The following XKR4 variants were observed in gnomAD, a reference collection of about 807,000 sequenced individuals.
The protein encoded by XKR4 is XK related 4, also known as XK-related protein 4.
XKR4 carries 12 observed loss-of-function variants against 53.9 expected under a neutral mutation model. The observed-to-expected ratio is 0.22, with a 90% CI of 0.14 to 0.36. The LOEUF is 0.36. XKR4 is among the 10% of genes least tolerant of loss of function. The pLI, the probability that XKR4 is intolerant of heterozygous loss-of-function variation, is 1.00. For missense variants in XKR4, 799 were observed against 859.5 expected, an observed-to-expected ratio of 0.93 and a Z score of 0.88; for synonymous variants, 354 against 362.4, an observed-to-expected ratio of 0.98 and a Z score of 0.26.
At chr8:55,328,113 A>G (rs1030757265) in intron 1 of XKR4, among the ~76,000 whole-genome samples, 1 of 152,168 alleles carries the variant, frequency 6.6e-6, no homozygotes, top group Non-Finnish European at 1.5e-5. Flanking sequence ...CTCACTCACT[A>G]TCAAGAGAAC....
At position 55,280,537 on chromosome 8, in the gene XKR4, C is replaced by T. The variant is rs567563591; in HGVS notation, c.807-77141C>T. Among the ~76,000 whole-genome samples the T allele has an allele frequency of 2.0e-5, 3 of 152,286 alleles. No homozygotes were observed. The South Asian group carries it at 6.2e-4, about 32-fold the overall frequency. ...CCCTCATCTTTCCATGATGATGAGA[C>T]CATATAAATAAGAAGCACAGCTTAA... On this transcript the variant is annotated intron_variant, in intron 1 of 2. Coordinates refer to ENST00000327381, the MANE Select transcript of XKR4 (RefSeq NM_052898.2).
intron 1 of XKR4, among the ~76,000 whole-genome samples, chr8:55,110,637 T>G (rs566191923): frequency 6.6e-6 from 1 of 152,218 alleles, no homozygotes. Context: ...TGTGAATCGC[T>G]AGTTACACTC....
At chr8:55,512,161 C>T (rs545545646) in intron 2 of XKR4, among the ~76,000 whole-genome samples, 1 of 152,314 alleles carries the variant, frequency 6.6e-6, no homozygotes, top group Non-Finnish European at 1.5e-5. Flanking sequence ...TCTAGAGCTC[C>T]ACAGAAATTG....
At chr8:55,200,303 C>T (rs772688929) in intron 1 of XKR4, among the ~76,000 whole-genome samples, 16 of 152,210 alleles carry the variant, frequency 1.1e-4, no homozygotes, top group East Asian at 1.9e-4. Flanking sequence ...CCTGACTTCA[C>T]GTGATCCACC....
intron 1 of XKR4, among the ~76,000 whole-genome samples, chr8:55,112,637 A>G (rs1274649285): frequency 7.0e-6 from 1 of 143,316 alleles, no homozygotes; most frequent in Middle Eastern, 3.8e-3. Flanking sequence ...TCGTAGCAAT[A>G]ACATCAACTA....
chr8:55,247,835 T>TTTTCTTTCTTTCTTTCTTTC lies in XKR4; in HGVS notation c.807-109839_807-109820dup, dbSNP rs374604470. 2.0e-3 allele frequency among the ~76,000 whole-genome samples: 131 copies of TTTTCTTTCTTTCTTTCTTTC among 65,098 alleles called. 13 individuals carry two copies. The highest frequency in any genetic ancestry group is 3.7e-3 in the Non-Finnish European group (77 of 20,956). The allele number at this position is 65,098 out of a possible 152,430, so 42.7% of individuals were successfully genotyped here. ...TTACATTATTAATTTTAATTTTTCT[T>TTTTCTTTCTTTCTTTCTTTC]TTTCTTTCTTTCTTTCTTTCTTTTT... On this transcript the variant is annotated intron_variant, in intron 1 of 2. Transcript: ENST00000327381.
intron 1 of XKR4, among the ~76,000 whole-genome samples, chr8:55,129,700 T>C (rs1816528008): frequency 6.6e-6 from 1 of 152,150 alleles, no homozygotes; most frequent in Non-Finnish European, 1.5e-5. Flanking sequence ...ACTTTTTCTT[T>C]AGGGCCTTAT....
intron 1 of XKR4, among the ~76,000 whole-genome samples, chr8:55,175,813 G>A (rs1358025559): frequency 6.6e-6 from 1 of 152,154 alleles, no homozygotes; most frequent in Non-Finnish European, 1.5e-5. Context: ...AAAATAAATA[G>A]TAAATAAATA....
intron 1 of XKR4, among the ~76,000 whole-genome samples, chr8:55,180,555 C>T (rs909999034): frequency 2.0e-5 from 3 of 151,954 alleles, no homozygotes; most frequent in Admixed American, 2.0e-4. Context: ...TTCTTTGAGA[C>T]GAAGTCTCAC....
intron 1 of XKR4, among the ~76,000 whole-genome samples, chr8:55,160,613 A>G (rs1263634822): frequency 6.6e-6 from 1 of 152,208 alleles, no homozygotes; most frequent in East Asian, 1.9e-4. Flanking sequence ...AGGGATTCAC[A>G]TGCCTCACTC....
At chr8:55,467,641 G>A (rs1414917784) in intron 2 of XKR4, among the ~76,000 whole-genome samples, 2 of 152,142 alleles carry the variant, frequency 1.3e-5, no homozygotes, top group Non-Finnish European at 2.9e-5. Flanking sequence ...CCCCAACACT[G>A]GGTATTATCA....
intron 1 of XKR4, among the ~76,000 whole-genome samples, chr8:55,161,010 A>G (rs1816976450): frequency 6.6e-6 from 1 of 152,190 alleles, no homozygotes; most frequent in South Asian, 2.1e-4. Flanking sequence ...GACATTGGTG[A>G]TTGTTGAGTA....
At chr8:55,353,931 G>A (rs1416630488) in intron 1 of XKR4, among the ~76,000 whole-genome samples, 1 of 152,170 alleles carries the variant, frequency 6.6e-6, no homozygotes, top group Non-Finnish European at 1.5e-5. Flanking sequence ...TCAAGGGAAT[G>A]ATTAAAGCCA....
chr8:55,291,398 C>T (rs1280644610), intron 1 of XKR4, among the ~76,000 whole-genome samples: 1 of 152,178 alleles, frequency 6.6e-6, no homozygotes, highest in African/African-American at 2.4e-5. Flanking sequence ...TGTCTACAAA[C>T]AATCTTGCTG....
chr8:55,132,257 G>A (rs982915707), intron 1 of XKR4, among the ~76,000 whole-genome samples: 1 of 152,206 alleles, frequency 6.6e-6, no homozygotes, highest in Non-Finnish European at 1.5e-5. Context: ...GAGAAGTTAA[G>A]GGGCCTGCCC....
chr8:55,281,917 T>C (rs16921541), intron 1 of XKR4, among the ~76,000 whole-genome samples: 20,373 of 152,202 alleles, frequency 0.13, 1,581 homozygotes, highest in Non-Finnish European at 0.18. Context: ...CCAATGAAAA[T>C]TGGCAAAGTA....
At chr8:55,368,545 A>G (rs1804026861) in intron 2 of XKR4, among the ~76,000 whole-genome samples, 1 of 152,116 alleles carries the variant, frequency 6.6e-6, no homozygotes, top group Non-Finnish European at 1.5e-5. Flanking sequence ...TCCAATCAGG[A>G]TGGGGCTCCA....
intron 1 of XKR4, among the ~76,000 whole-genome samples, chr8:55,158,520 T>G (rs1228392320): frequency 6.6e-6 from 1 of 152,160 alleles, no homozygotes; most frequent in African/African-American, 2.4e-5. Flanking sequence ...CCATTTGTCA[T>G]GTTTTGTTTT....
chr8:55,123,068 T>C (rs1387862784), intron 1 of XKR4, among the ~76,000 whole-genome samples: 1 of 152,196 alleles, frequency 6.6e-6, no homozygotes, highest in Non-Finnish European at 1.5e-5. Flanking sequence ...TTGATTCAGA[T>C]TGACTCTTGG....
Sources: allele counts gnomAD v4.1 joint callset (sites outside exome capture counted in the v4.1 genomes callset), GRCh38; gene constraint gnomAD v4.1.1; transcripts MANE v1.5; gene names NCBI Gene and HGNC (gene_info 2026-07-23, HGNC 2026-07-21).